Variants in BMF observed in about 807,000 individuals in gnomAD.
BMF encodes the protein Bcl2 modifying factor, also known as bcl-2-modifying factor.
In BMF, 10 loss-of-function variants were observed where a neutral mutation model predicts 22.0. The observed-to-expected ratio is 0.45, with a 90% CI of 0.28 to 0.77. The LOEUF is 0.77. Ranked by LOEUF, BMF falls within the 30% of genes least tolerant of loss-of-function variation. The pLI, the probability that BMF is intolerant of heterozygous loss-of-function variation, is 0.13. For missense variants in BMF, 206 were observed against 226.8 expected (o/e 0.91, Z 0.59); for synonymous variants, 87 against 88.1 (o/e 0.99, Z 0.07).
At chr15:40,104,861 CTG>C (rs2036551563) in intron 3 of BMF, among the ~76,000 whole-genome samples, 1 of 152,158 alleles carries the variant, frequency 6.6e-6, no homozygotes, top group Non-Finnish European at 1.5e-5. Context: ...GGAGAGAAAA[CTG>C]AGACGCACAG....
At position 40,107,649 on chromosome 15, in the gene BMF, A is replaced by G. The variant is rs978864668; in HGVS notation, c.-6+610T>C. On this transcript the variant is annotated intron_variant, in intron 2 of 4. Transcript: ENST00000354670. Reference sequence around the variant, plus strand: ...ACAAAATTTCCTGATGAAAGGACCAAGTGCTGTCCCGCCAGTCACCTGGCA... The same window carrying G: ...ACAAAATTTCCTGATGAAAGGACCAGGTGCTGTCCCGCCAGTCACCTGGCA... Among the ~76,000 whole-genome samples, 9 of 151,880 alleles carry G rather than the reference A, an allele frequency of 5.9e-5. No homozygotes were observed. In the South Asian group the frequency reaches 1.0e-3, roughly 17 times the overall value.
chr15:40,096,043 C>T (rs562234768), intron 4 of BMF, among the ~76,000 whole-genome samples: 2 of 152,268 alleles, frequency 1.3e-5, no homozygotes, highest in African/African-American at 2.4e-5. Flanking sequence ...GAAAGATAAC[C>T]CACTTGTCTG....
chr15:40,094,432 T>C (rs1038074106), intron 4 of BMF, among the ~76,000 whole-genome samples: 1 of 152,130 alleles, frequency 6.6e-6, no homozygotes, highest in African/African-American at 2.4e-5. Context: ...CGTGTGACAG[T>C]CCTTAAGGCT....
rs530754827 is a variant in BMF at position 40,106,142 on chromosome 15, C to A, written c.-5-51G>T. 1 of 1,519,938 alleles carries A rather than the reference C, an allele frequency of 6.6e-7. No homozygotes were observed. 94.2% of individuals were successfully genotyped at this position (1,519,938 alleles called of 1,614,324 possible). Reference sequence around the variant, plus strand: ...GGGCTGCTGCCCCACCAGGGCCATACCTGGAAGGACTCCCCTTCCCTTCTT... The same window carrying A: ...GGGCTGCTGCCCCACCAGGGCCATAACTGGAAGGACTCCCCTTCCCTTCTT... On this transcript the variant is annotated intron_variant, in intron 2 of 4. Coordinates refer to ENST00000354670, the MANE Select transcript of BMF (RefSeq NM_001003940.2). The surrounding 1 kb of genome is among the most constrained non-coding windows in gnomAD (Gnocchi z 4.1).
Position 40,106,466 on chromosome 15 carries a change from CTG to C in BMF, c.-5-377_-5-376del, listed in dbSNP as rs2036589427. On this transcript the variant is annotated intron_variant, in intron 2 of 4. Coordinates refer to ENST00000354670, the MANE Select transcript of BMF (RefSeq NM_001003940.2). The surrounding 1 kb of genome is among the most constrained non-coding windows in gnomAD (Gnocchi z 4.1). ...GGGAAAATATAAACAAGACTAGCCT[CTG>C]TAAGTTGCTGTCAAGGGTGCTGTGA... 5.5e-6 allele frequency: 1 copy of C among 183,376 alleles called. No individual in the cohort carries two copies. Among genetic ancestry groups the C allele is most frequent in the Non-Finnish European group, 1.1e-5 (1 of 87,548 alleles). The allele number at this position is 183,376 out of a possible 1,614,324, so 11.4% of individuals were successfully genotyped here.
chr15:40,094,332 G>A (rs1021579043), intron 4 of BMF, among the ~76,000 whole-genome samples: 1 of 152,196 alleles, frequency 6.6e-6, no homozygotes, highest in African/African-American at 2.4e-5. Flanking sequence ...CAGGAAGGCT[G>A]AGGTCTTGCA....
At chr15:40,097,984 T>A (rs1468385567) in intron 4 of BMF, among the ~76,000 whole-genome samples, 2 of 152,120 alleles carry the variant, frequency 1.3e-5, no homozygotes, top group African/African-American at 2.4e-5. Context: ...GGGCAACCCC[T>A]TGGACCCAGT....
chr15:40,095,618 C>T (rs1052964136), intron 4 of BMF, among the ~76,000 whole-genome samples: 1 of 152,140 alleles, frequency 6.6e-6, no homozygotes, highest in African/African-American at 2.4e-5. Context: ...TGGGAGTTCC[C>T]AGAATACACA....
At position 40,089,489 on chromosome 15, in the gene BMF, G is replaced by C. The variant is rs896701900; in HGVS notation, c.*2298C>G. ...CTTTGCATAAGATGGAGACAGTGCA[G>C]TCAGACCACCTTCCACCTGCCCCAG... On this transcript the variant is annotated 3_prime_UTR_variant, in exon 5 of 5. Coordinates refer to ENST00000354670, the MANE Select transcript of BMF (RefSeq NM_001003940.2). 6.6e-6 allele frequency: 1 copy of C among 152,358 alleles called. No homozygotes were observed. The highest frequency in any genetic ancestry group is 1.5e-5 in the Non-Finnish European group (1 of 68,040). The allele number at this position is 152,358 out of a possible 1,614,324, so 9.4% of individuals were successfully genotyped here. A position where few individuals can be genotyped will look rare whatever the true frequency, so the allele number is the denominator to read the frequency against.
chr15:40,104,562 G>C (rs569831927), intron 3 of BMF, among the ~76,000 whole-genome samples: 1 of 152,158 alleles, frequency 6.6e-6, no homozygotes, highest in Non-Finnish European at 1.5e-5. Context: ...CCTTCTCTTC[G>C]CTTCTCCATT....
At position 40,105,748 on chromosome 15, in the gene BMF, T is replaced by C. The variant is rs370277749; in HGVS notation, c.292+47A>G. On this transcript the variant is annotated intron_variant, in intron 3 of 4. Transcript: ENST00000354670. The stretch of plus-strand genomic sequence containing the variant: ...GGTTTGGGGAGGGAAAGTCCCCTCT[T>C]TTCCCCCAGTCTCTATGGGAGGAGT... 31 of 1,527,914 alleles carry C rather than the reference T, an allele frequency of 2.0e-5. No individual in the cohort carries two copies. The African/African-American group carries it at 4.0e-4, about 20-fold the overall frequency. 94.6% of individuals were successfully genotyped at this position (1,527,914 alleles called of 1,614,324 possible).
intron 4 of BMF, among the ~76,000 whole-genome samples, chr15:40,102,501 GC>G (rs1225947464): frequency 6.6e-6 from 1 of 151,854 alleles, no homozygotes; most frequent in East Asian, 1.9e-4. Flanking sequence ...AGTTAGGAGG[GC>G]CCCCAGGACT....
At chr15:40,091,941 A>T in intron 4 of BMF, 53 bp from the exon 5 acceptor site, 1 of 1,320,364 alleles carries the variant, frequency 7.6e-7, no homozygotes, top group Non-Finnish European at 1.1e-6. Context: ...GCAATCTTAG[A>T]CGACTCCCTC....
rs540798865 is a variant in BMF at position 40,093,323 on chromosome 15, G to C, written c.454-1435C>G. The stretch of plus-strand genomic sequence containing the variant: ...GCATTCCTCCTTCCCCCGTGGAAGA[G>C]CCTGGAAAACAACCCGGCAAGCTGG... On this transcript the variant is annotated intron_variant, in intron 4 of 4. Transcript: ENST00000354670. 4.9e-4 allele frequency among the ~76,000 whole-genome samples: 75 copies of C among 152,368 alleles called. 1 individual carries two copies. Among genetic ancestry groups the C allele is most frequent in the South Asian group, 8.3e-4 (4 of 4,826 alleles).
rs1021902393 is a variant in BMF at position 40,093,276 on chromosome 15, GC to G, written c.454-1389del. 3.5e-5 allele frequency among the ~76,000 whole-genome samples: 5 copies of G among 142,122 alleles called. No homozygotes were observed. The South Asian group carries it at 9.7e-4, about 28-fold the overall frequency. 93.2% of individuals were successfully genotyped at this position (142,122 alleles called of 152,430 possible). A position where few individuals can be genotyped will look rare whatever the true frequency, so the allele number is the denominator to read the frequency against. ...CTGACAACCCAGGTGAACACGGAAT[GC>G]CCCCGTCCATCATGGCAACAGCATT... On this transcript the variant is annotated intron_variant, in intron 4 of 4. Coordinates refer to ENST00000354670, the MANE Select transcript of BMF (RefSeq NM_001003940.2).
At chr15:40,105,138 C>T (rs929008402) in intron 3 of BMF, among the ~76,000 whole-genome samples, 2 of 152,324 alleles carry the variant, frequency 1.3e-5, no homozygotes, top group South Asian at 4.1e-4. Context: ...CAGTAAGCCA[C>T]GCTCCTAGCC....
chr15:40,095,995 C>G (rs2036351684), intron 4 of BMF, among the ~76,000 whole-genome samples: 1 of 152,160 alleles, frequency 6.6e-6, no homozygotes, highest in African/African-American at 2.4e-5. Flanking sequence ...AGGCACTCAA[C>G]AAGGGCATGC....
chr15:40,092,480 T>C lies in BMF; in HGVS notation c.454-592A>G, dbSNP rs199906919. 2.3e-4 allele frequency among the ~76,000 whole-genome samples: 35 copies of C among 150,462 alleles called. 1 individual carries two copies. In the East Asian group the frequency reaches 7.0e-3, roughly 30 times the overall value. ...ACACACACACACACACACACACCCT[T>C]GTGCGCCCGCCCGCTCTCCCTCCCC... On this transcript the variant is annotated intron_variant, in intron 4 of 4. Transcript: ENST00000354670.
intron 4 of BMF, among the ~76,000 whole-genome samples, chr15:40,096,450 A>G (rs2036363570): frequency 6.6e-6 from 1 of 152,200 alleles, no homozygotes; most frequent in Non-Finnish European, 1.5e-5. Flanking sequence ...AAAAGAACCT[A>G]ACTCACAAAA....
Sources: allele counts gnomAD v4.1 joint callset (sites outside exome capture counted in the v4.1 genomes callset), GRCh38; gene constraint gnomAD v4.1.1; non-coding constraint Gnocchi (gnomAD v3.1); transcripts MANE v1.5; gene names NCBI Gene and HGNC (gene_info 2026-07-23, HGNC 2026-07-21).